The following MUC5AC variants were observed in gnomAD, a reference collection of about 807,000 sequenced individuals.
MUC5AC encodes mucin-5AC.
MUC5AC carries 158 observed loss-of-function variants against 169.7 expected under a neutral mutation model. The observed-to-expected ratio is 0.93, with a 90% CI of 0.82 to 1.06. MUC5AC has a LOEUF of 1.06. Ranked by LOEUF, MUC5AC falls within the 50% of genes least tolerant of loss-of-function variation. The probability of loss-of-function intolerance (pLI) is 0.00; values close to 1 mark genes in which losing one functional copy is unlikely to be tolerated. For missense variants in MUC5AC, 4,359 were observed against 3,089.9 expected (o/e 1.41, Z -9.74); for synonymous variants, 1,975 against 1,237.0 (o/e 1.60, Z -12.52).
rs747323332 is a variant in MUC5AC at position 1,194,328 on chromosome 11, C to T, written c.14974C>T (p.Arg4992Cys). The change falls in exon 34 of 49, where the codon CGC (arginine) becomes TGC (cysteine). Residue 4992 changes from arginine to cysteine, a missense_variant. Physicochemically the swap from Arg to Cys is radical, Grantham distance 180. Transcript: ENST00000621226. ...CCACCAGGACCGCGTGGTGCTGACC[C>T]GCAAGCCAGTCCACGGGGTGATGAC... ...EYHQDRVVLT[R>C]KPVHGVMTNE... The T allele has an allele frequency of 1.4e-5, 10 of 732,752 alleles. No individual in the cohort carries two copies. Among genetic ancestry groups the T allele is most frequent in the Admixed American group, 3.8e-5 (2 of 53,140 alleles). The allele number at this position is 732,752 out of a possible 1,614,324, so 45.4% of individuals were successfully genotyped here. A position where few individuals can be genotyped will look rare whatever the true frequency, so the allele number is the denominator to read the frequency against.
At chr11:1,165,158 C>T (rs1051734632) in intron 9 of MUC5AC, 144 bp from the exon 10 acceptor site, 46 of 752,416 alleles carry the variant, frequency 6.1e-5, no homozygotes, top group Non-Finnish European at 9.3e-5. Flanking sequence ...GTCCCGGGCC[C>T]CTGAGGCTGG....
Position 1,177,677 on chromosome 11 carries a change from T to C in MUC5AC, c.3087+44T>C, listed in dbSNP as rs908611620. The C allele has an allele frequency of 1.3e-5, 5 of 396,134 alleles. No individual in the cohort carries two copies. In the Admixed American group the frequency reaches 2.2e-4, roughly 18 times the overall value. 24.5% of individuals were successfully genotyped at this position (396,134 alleles called of 1,614,324 possible). On this transcript the variant is annotated intron_variant, in intron 24 of 48. Coordinates refer to ENST00000621226, the MANE Select transcript of MUC5AC (RefSeq NM_001304359.2). ...TCCAGGCCAGGGCCGGCTGGAAACC[T>C]GGAGGTGGGGAGCGTGGAACAGGTG...
Position 1,161,919 on chromosome 11 carries a change from C to G in MUC5AC, c.224C>G (p.Ala75Gly), listed in dbSNP as rs1240184667. The G allele has an allele frequency of 1.2e-6, 2 of 1,611,432 alleles. No homozygotes were observed. Among genetic ancestry groups the G allele is most frequent in the Admixed American group, 3.3e-5 (2 of 59,856 alleles). ...TIPVVRASNP[A>G]HNGRVCSTWG... ...GCTTCCACCGCAGCCTCCAACCCGG[C>G]GCACAACGGGCGGGTGTGCAGCACC... Residue 75 changes from alanine (A) to glycine (G), a missense_variant, in exon 4 of 49, where the codon GCG becomes GGG. By Grantham distance (60) the Ala-to-Gly change is moderately conservative. Coordinates refer to ENST00000621226, the MANE Select transcript of MUC5AC (RefSeq NM_001304359.2).
At position 1,191,009 on chromosome 11, in the gene MUC5AC, C is replaced by G; in HGVS notation, c.12864C>G (p.Ser4288Arg). Residue 4288 changes from serine (S) to arginine (R), a missense_variant, in exon 31 of 49, where the codon AGC becomes AGG. Ser to Arg is a moderately radical substitution (Grantham distance 110). Transcript: ENST00000621226. ...GAACAACATCTGCTCCTACAAGCAG[C>G]ATGACCTCTGGTCCTGGAACTACTC... ...TTRTTSAPTS[S>R]MTSGPGTTPS... The G allele has an allele frequency of 1.3e-6, 1 of 753,288 alleles. No individual in the cohort carries two copies. Among genetic ancestry groups the G allele is most frequent in the Non-Finnish European group, 2.4e-6 (1 of 413,334 alleles). 46.7% of individuals were successfully genotyped at this position (753,288 alleles called of 1,614,324 possible).
At chr11:1,163,156 A>G in intron 6 of MUC5AC, 111 bp downstream of exon 6, 1 of 1,015,304 alleles carries the variant, frequency 9.8e-7, no homozygotes, top group Non-Finnish European at 1.5e-6. Flanking sequence ...AGATACACGG[A>G]TGCAGCTGCC....
intron 9 of MUC5AC, among the ~76,000 whole-genome samples, chr11:1,164,927 GA>G (rs1224084809): frequency 2.6e-5 from 3 of 117,568 alleles, no homozygotes; most frequent in Non-Finnish European, 5.1e-5. Context: ...ATCCTGTCCT[GA>G]GCCCCCTGAG....
chr11:1,185,764 C>A lies in MUC5AC; in HGVS notation c.7619C>A (p.Thr2540Lys). 3 of 743,122 alleles carry A rather than the reference C, an allele frequency of 4.0e-6. No homozygotes were observed. The highest frequency in any genetic ancestry group is 7.4e-6 in the Non-Finnish European group (3 of 404,846). The allele number at this position is 743,122 out of a possible 1,614,324, so 46.0% of individuals were successfully genotyped here. A position where few individuals can be genotyped will look rare whatever the true frequency, so the allele number is the denominator to read the frequency against. The stretch of plus-strand genomic sequence containing the variant: ...CCCAGCCCTGTTCCCACCACCAGCA[C>A]AACCTCTGCTCCTACAACCAGCACA... ...TTPSPVPTTS[T>K]TSAPTTSTTS... Residue 2540 changes from threonine (T) to lysine (K), a missense_variant, in exon 31 of 49, where the codon ACA (threonine) becomes AAA (lysine). Coordinates refer to ENST00000621226, the MANE Select transcript of MUC5AC (RefSeq NM_001304359.2).
rs753984597 is a variant in MUC5AC at position 1,192,383 on chromosome 11, T to C, written c.14238T>C (p.Ala4746=). The C allele has an allele frequency of 6.5e-6, 5 of 765,088 alleles. No homozygotes were observed. The highest frequency in any genetic ancestry group is 1.2e-5 in the Non-Finnish European group (5 of 417,902). The allele number at this position is 765,088 out of a possible 1,614,324, so 47.4% of individuals were successfully genotyped here. The change falls in exon 31 of 49, where the codon GCT becomes GCC. Residue 4746 remains alanine, a synonymous_variant. Coordinates refer to ENST00000621226, the MANE Select transcript of MUC5AC (RefSeq NM_001304359.2). ...CATATGGGACTTCTCCTACCAATGC[T>C]CTGTATCCTTCCCTGTCTACTTCCA... ...VTPYGTSPTN[A]LYPSLSTSMV... is the part of the protein sequence containing the mutation.
At chr11:1,194,718 G>A (rs1439273925) in intron 35 of MUC5AC, 48 bp downstream of exon 35, 8 of 711,398 alleles carry the variant, frequency 1.1e-5, no homozygotes, top group Non-Finnish European at 2.6e-6. Context: ...GCGGGGGCGG[G>A]GGTGCCGGGC....
chr11:1,190,582 C>A lies in MUC5AC; in HGVS notation c.12437C>A (p.Thr4146Asn). 1.4e-6 allele frequency: 1 copy of A among 693,892 alleles called. No homozygotes were observed. Among genetic ancestry groups the A allele is most frequent in the South Asian group, 1.5e-5 (1 of 66,140 alleles). 43.0% of individuals were successfully genotyped at this position (693,892 alleles called of 1,614,324 possible). Reference protein sequence around the residue: ...STTSAPTHRTTSGPTTSTTLA... With the variant: ...STTSAPTHRTNSGPTTSTTLA... ...ACCTCAGCTCCTACACACAGAACGA[C>A]TTCTGGTCCTACAACCAGCACAACC... Residue 4146 changes from threonine (T) to asparagine (N), a missense_variant, in exon 31 of 49, where the codon ACT becomes AAT. Thr to Asn is a moderately conservative substitution (Grantham distance 65). Coordinates refer to ENST00000621226, the MANE Select transcript of MUC5AC (RefSeq NM_001304359.2).
At chr11:1,176,818 C>A (rs1437913462) in intron 21 of MUC5AC, 110 bp from the exon 22 acceptor site, 5 of 398,558 alleles carry the variant, frequency 1.3e-5, no homozygotes, top group Non-Finnish European at 2.2e-5. Context: ...GCCAGGGAGG[C>A]CCAGTGGGCG....
chr11:1,189,493 C>T lies in MUC5AC; in HGVS notation c.11348C>T (p.Thr3783Ile), dbSNP rs1861033108. 1.7e-6 allele frequency: 1 copy of T among 584,556 alleles called. No individual in the cohort carries two copies. Among genetic ancestry groups the T allele is most frequent in the Non-Finnish European group, 3.0e-6 (1 of 329,308 alleles). The allele number at this position is 584,556 out of a possible 1,614,324, so 36.2% of individuals were successfully genotyped here. The part of the protein sequence containing the change: ...TNTTSAPTTS[T>I]TSAPITSTIS... Reference sequence around the variant, plus strand: ...ACAACCTCTGCCCCTACAACTAGCACTACCTCTGCTCCCATAACCAGCACA... The same window carrying T: ...ACAACCTCTGCCCCTACAACTAGCATTACCTCTGCTCCCATAACCAGCACA... The change falls in exon 31 of 49, where the codon ACT becomes ATT. Residue 3783 changes from threonine to isoleucine, a missense_variant. Coordinates refer to ENST00000621226, the MANE Select transcript of MUC5AC (RefSeq NM_001304359.2).
chr11:1,163,164 G>C, intron 6 of MUC5AC, 119 bp downstream of exon 6: 1 of 948,870 alleles, frequency 1.1e-6, no homozygotes, highest in South Asian at 1.4e-5. Flanking sequence ...GGATGCAGCT[G>C]CCCTCCCTCC....
rs1381058077 is a variant in MUC5AC, at chr11:1,183,398, G to C, written c.5253G>C (p.Lys1751Asn). ...GTCATCCCCGGTGCACCTGGACAAA[G>C]TGGTTCGACGTGGACTTCCCGTCCC... The part of the protein sequence containing the change: ...RNCHPRCTWT[K>N]WFDVDFPSPG... The change falls in exon 31 of 49, where the codon AAG becomes AAC. Residue 1751 changes from lysine (K) to asparagine (N), a missense_variant. By Grantham distance (94) the Lys-to-Asn change is moderately conservative. Coordinates refer to ENST00000621226, the MANE Select transcript of MUC5AC (RefSeq NM_001304359.2). 1 of 643,656 alleles carries C rather than the reference G, an allele frequency of 1.6e-6. No individual in the cohort carries two copies. Among genetic ancestry groups the C allele is most frequent in the East Asian group, 2.7e-5 (1 of 37,524 alleles). 39.9% of individuals were successfully genotyped at this position (643,656 alleles called of 1,614,324 possible). A position where few individuals can be genotyped will look rare whatever the true frequency, so the allele number is the denominator to read the frequency against.
rs149860127 is a variant in MUC5AC at position 1,192,419 on chromosome 11, C to A, written c.14274C>A (p.Ala4758=). Residue 4758 remains alanine (A), a synonymous_variant, in exon 31 of 49, where the codon GCC becomes GCA. Transcript: ENST00000621226. ...YPSLSTSMVS[A]SVASTSVASS... Reference sequence around the variant, plus strand: ...CCCTGTCTACTTCCATGGTATCCGCCTCCGTGGCATCCACCTCTGTGGCAT... The same window carrying A: ...CCCTGTCTACTTCCATGGTATCCGCATCCGTGGCATCCACCTCTGTGGCAT... 4,300 of 765,168 alleles carry A rather than the reference C, an allele frequency of 5.6e-3. 31 individuals are homozygous for A. Among genetic ancestry groups the A allele is most frequent in the Middle Eastern group, 0.015 (65 of 4,438 alleles). 47.4% of individuals were successfully genotyped at this position (765,168 alleles called of 1,614,324 possible).
chr11:1,168,969 GCCTGCC>G lies in MUC5AC; in HGVS notation c.1816_1821del (p.Cys606_Pro607del). The G allele has an allele frequency of 6.2e-7, 1 of 1,610,714 alleles. No homozygotes were observed. Among genetic ancestry groups the G allele is most frequent in the Non-Finnish European group, 8.5e-7 (1 of 1,178,814 alleles). Reference sequence around the variant, plus strand: ...CTTCAACACCTTCAAGACCCAGGCCGCCTGCCCCAACATCAGGAACAGCTTCGAGGA... The same window carrying G: ...CTTCAACACCTTCAAGACCCAGGCCGCCAACATCAGGAACAGCTTCGAGGA... On this transcript the variant is annotated inframe_deletion, in exon 15 of 49. Transcript: ENST00000621226.
At position 1,188,701 on chromosome 11, in the gene MUC5AC, A is replaced by G; in HGVS notation, c.10556A>G (p.Asp3519Gly). 2.6e-6 allele frequency: 2 copies of G among 764,934 alleles called. No individual in the cohort carries two copies. The highest frequency in any genetic ancestry group is 4.8e-5 in the East Asian group (2 of 41,250). 47.4% of individuals were successfully genotyped at this position (764,934 alleles called of 1,614,324 possible). ...KTTHSQPVTR[D>G]CHPRCTWTKW... The stretch of plus-strand genomic sequence containing the variant: ...ACCCACTCCCAACCAGTCACCAGAG[A>G]CTGTCATCCCCGGTGCACCTGGACC... The change falls in exon 31 of 49, where the codon GAC becomes GGC. Residue 3519 changes from aspartate to glycine, a missense_variant. Asp to Gly is a moderately conservative substitution (Grantham distance 94, BLOSUM62 -1). Transcript: ENST00000621226.
At chr11:1,192,736 T>A (rs1861154993) in intron 31 of MUC5AC, 47 bp from the exon 32 acceptor site, 1 of 718,412 alleles carries the variant, frequency 1.4e-6, no homozygotes, top group South Asian at 1.5e-5. Context: ...TTGCTTCTCC[T>A]TTGAGCAGGA....
rs1412537852 is a variant in MUC5AC at position 1,165,222 on chromosome 11, G to C, written c.1130-80G>C. On this transcript the variant is annotated intron_variant, in intron 9 of 48. Coordinates refer to ENST00000621226, the MANE Select transcript of MUC5AC (RefSeq NM_001304359.2). ...CTGGCTGAGGCCCCAGCTCGCTGTG[G>C]GGCCGCCATGTTGTTCCCCTGCAAC... is the stretch of plus-strand genomic sequence containing the variant. 3.7e-6 allele frequency: 5 copies of C among 1,354,624 alleles called. No individual in the cohort carries two copies. In the African/African-American group the frequency reaches 4.3e-5, roughly 12 times the overall value. The allele number at this position is 1,354,624 out of a possible 1,614,324, so 83.9% of individuals were successfully genotyped here.
Sources: allele counts gnomAD v4.1 joint callset (sites outside exome capture counted in the v4.1 genomes callset), GRCh38; gene constraint gnomAD v4.1.1; transcripts MANE v1.5; gene names NCBI Gene and HGNC (gene_info 2026-07-23, HGNC 2026-07-21).